Variants in ARHGEF18 observed in about 807,000 individuals in gnomAD.
ARHGEF18 encodes the protein Rho/Rac guanine nucleotide exchange factor 18.
Under a neutral mutation model 155.7 loss-of-function variants are expected in ARHGEF18, and 93 were observed. That is an observed-to-expected ratio of 0.60 (90% confidence interval 0.50 to 0.71). The LOEUF (loss-of-function observed/expected upper bound fraction) is 0.71, where lower values mean the gene tolerates loss of function less well. Among genes scored for constraint, ARHGEF18 ranks in the 30% least tolerant of loss-of-function variants. The pLI, the probability that ARHGEF18 is intolerant of heterozygous loss-of-function variation, is 0.00. For synonymous variants in ARHGEF18, 742 were observed against 753.1 expected (o/e 0.99, Z 0.24); for missense variants, 1,593 against 1,816.1 (o/e 0.88, Z 2.23).
At position 7,462,279 on chromosome 19, in the gene ARHGEF18, G is replaced by A; in HGVS notation, c.2580G>A (p.Gly860=). The change falls in exon 21 of 29, where the codon GGG becomes GGA. Residue 860 remains glycine (G), a synonymous_variant. Coordinates refer to ENST00000668164, the MANE Select transcript of ARHGEF18 (RefSeq NM_001367823.1). This position sits in a 1 kb window ranked among gnomAD's most constrained non-coding sequence, Gnocchi z 4.4. ...LPQPRGLFRG[G]DPSETLQGEL... The stretch of plus-strand genomic sequence containing the variant: ...AGCCCCGAGGCCTATTCCGTGGAGG[G>A]GACCCATCCGAGACCCTGCAGGGGG... The A allele has an allele frequency of 1.2e-6, 2 of 1,613,108 alleles. No homozygotes were observed. The highest frequency in any genetic ancestry group is 2.2e-5 in the South Asian group (2 of 91,038).
In ARHGEF18 at chr19:7,373,849, A is replaced by AT. The variant is rs57703407; in HGVS notation, c.275+797dup. On this transcript the variant is annotated intron_variant, in intron 3 of 28. Transcript: ENST00000668164. ...CAATACAGTTCCCGCTCCTATGAGAATTTTTTTTTTTTTTTTTTTGAGACA... is the reference window on the plus strand; with the variant it reads ...CAATACAGTTCCCGCTCCTATGAGAATTTTTTTTTTTTTTTTTTTTGAGACA... Among the ~76,000 whole-genome samples, 813 of 122,026 alleles carry AT rather than the reference A, an allele frequency of 6.7e-3. 7 individuals carry two copies. Among genetic ancestry groups the AT allele is most frequent in the African/African-American group, 8.7e-3 (261 of 29,980 alleles). The allele number at this position is 122,026 out of a possible 152,430, so 80.1% of individuals were successfully genotyped here.
intron 10 of ARHGEF18, among the ~76,000 whole-genome samples, chr19:7,392,976 G>A (rs1393625130): frequency 1.5e-5 from 2 of 136,306 alleles, no homozygotes; most frequent in Non-Finnish European, 3.1e-5. Flanking sequence ...GAGCCCAGGA[G>A]ATGGAAGCTG....
chr19:7,379,299 C>A (rs910893494), intron 7 of ARHGEF18, 133 bp downstream of exon 7: 5 of 781,630 alleles, frequency 6.4e-6, no homozygotes, highest in Non-Finnish European at 8.4e-6. Flanking sequence ...TGGCTCACGC[C>A]TGTAATCCCA....
At chr19:7,365,054 G>GTT (rs1969824600) in intron 2 of ARHGEF18, among the ~76,000 whole-genome samples, 1 of 152,152 alleles carries the variant, frequency 6.6e-6, no homozygotes. Context: ...ATCTGTTACG[G>GTT]TTAAGCCATA....
intron 11 of ARHGEF18, 41 bp from the exon 12 acceptor site, chr19:7,441,612 T>C: frequency 6.5e-7 from 1 of 1,543,180 alleles, no homozygotes; most frequent in Non-Finnish European, 9.0e-7. Flanking sequence ...GTGTGTTTAA[T>C]TCACTTTTCT....
chr19:7,478,627 A>G, the ARHGEF18 span, among the ~76,000 whole-genome samples: 1 of 152,092 alleles, frequency 6.6e-6, no homozygotes, highest in African/African-American at 2.4e-5. Context: ...GGCCTGGCCC[A>G]GCCTCTGCAA....
rs563346204 is a variant in ARHGEF18, at chr19:7,382,859, T to C, written c.790T>C (p.Cys264Arg). Residue 264 changes from cysteine (C) to arginine (R), a missense_variant, in exon 9 of 29, where the codon TGC becomes CGC. Physicochemically the swap from Cys to Arg is radical, Grantham distance 180 (BLOSUM62 -3). Coordinates refer to ENST00000668164, the MANE Select transcript of ARHGEF18 (RefSeq NM_001367823.1). Reference protein sequence around the residue: ...KSTSVKRRLSCLRSRVTRQKE... With the variant: ...KSTSVKRRLSRLRSRVTRQKE... ...TACCAGTGTGAAGCGCAGGCTGAGCTGCCTCCGCAGTCGAGTGACCAGGCA... is the reference window on the plus strand; with the variant it reads ...TACCAGTGTGAAGCGCAGGCTGAGCCGCCTCCGCAGTCGAGTGACCAGGCA... 1 of 1,232,582 alleles carries C rather than the reference T, an allele frequency of 8.1e-7. No homozygotes were observed. Among genetic ancestry groups the C allele is most frequent in the Non-Finnish European group, 1.0e-6 (1 of 988,098 alleles). The allele number at this position is 1,232,582 out of a possible 1,614,324, so 76.4% of individuals were successfully genotyped here. A position where few individuals can be genotyped will look rare whatever the true frequency, so the allele number is the denominator to read the frequency against.
chr19:7,452,717 C>T (rs1451419838), intron 16 of ARHGEF18, among the ~76,000 whole-genome samples: 1 of 151,606 alleles, frequency 6.6e-6, no homozygotes, highest in Admixed American at 6.6e-5. Flanking sequence ...CTGCCCGCCT[C>T]AGCCTCCCAG....
intron 10 of ARHGEF18, among the ~76,000 whole-genome samples, chr19:7,431,532 A>AAAAAAAAAAAAAAAAAC: frequency 7.0e-6 from 1 of 142,988 alleles, no homozygotes; most frequent in Non-Finnish European, 1.5e-5. Context: ...AAAAAAAAAA[A>AAAAAAAAAAAAAAAAAC]AGGCCGGGCT....
intron 3 of ARHGEF18, among the ~76,000 whole-genome samples, chr19:7,373,966 G>A (rs1465295447): frequency 6.7e-6 from 1 of 149,432 alleles, no homozygotes; most frequent in Admixed American, 6.7e-5. Flanking sequence ...TTACCATGTT[G>A]GCCAGACTAG....
chr19:7,451,467 G>T (rs1181355644), intron 16 of ARHGEF18, among the ~76,000 whole-genome samples: 3 of 148,926 alleles, frequency 2.0e-5, no homozygotes, highest in African/African-American at 7.4e-5. Flanking sequence ...GGAGTGTAGT[G>T]GTGAAATCAT....
At chr19:7,420,814 G>A (rs576493110) in intron 10 of ARHGEF18, among the ~76,000 whole-genome samples, 6 of 152,324 alleles carry the variant, frequency 3.9e-5, no homozygotes, top group African/African-American at 1.2e-4. Context: ...AGTCACACCC[G>A]TCGTGGAGAG....
At chr19:7,382,414 C>A (rs945447832) in intron 8 of ARHGEF18, among the ~76,000 whole-genome samples, 24 of 110,396 alleles carry the variant, frequency 2.2e-4, no homozygotes, top group African/African-American at 2.5e-4. Context: ...AACAAAATAA[C>A]TAAATAAATA....
intron 15 of ARHGEF18, among the ~76,000 whole-genome samples, chr19:7,448,430 G>A (rs1975138413): frequency 6.6e-6 from 1 of 152,216 alleles, no homozygotes; most frequent in Admixed American, 6.5e-5. Flanking sequence ...GGGAGGCCAA[G>A]GCGGGTGGAT....
chr19:7,392,191 A>C lies in ARHGEF18; in HGVS notation c.967+8988A>C, dbSNP rs189930396. On this transcript the variant is annotated intron_variant, in intron 10 of 28. Coordinates refer to ENST00000668164, the MANE Select transcript of ARHGEF18 (RefSeq NM_001367823.1). ...GGGAGGTGGAGTTTGCAGTGAGCCAAGATGGCACCACTGCACTCCAGCTTG... is the reference window on the plus strand; with the variant it reads ...GGGAGGTGGAGTTTGCAGTGAGCCACGATGGCACCACTGCACTCCAGCTTG... Among the ~76,000 whole-genome samples the C allele has an allele frequency of 2.2e-3, 332 of 148,914 alleles. 3 individuals carry two copies. The highest frequency in any genetic ancestry group is 7.9e-3 in the African/African-American group (313 of 39,756).
intron 10 of ARHGEF18, among the ~76,000 whole-genome samples, chr19:7,383,822 A>T (rs1012803975): frequency 9.1e-6 from 1 of 109,838 alleles, no homozygotes; most frequent in Non-Finnish European, 1.7e-5. Context: ...ATTGCAACAC[A>T]TGAATTTGAT....
At chr19:7,355,584 C>G in intron 1 of ARHGEF18, 10 of 983,928 alleles carry the variant, frequency 1.0e-5, no homozygotes, top group Non-Finnish European at 1.2e-5. Flanking sequence ...CAGGGATTCC[C>G]AGGCCAGCTC....
chr19:7,396,944 T>A (rs1455380723), intron 10 of ARHGEF18, among the ~76,000 whole-genome samples: 1 of 152,008 alleles, frequency 6.6e-6, no homozygotes, highest in Non-Finnish European at 1.5e-5. Flanking sequence ...ACCCTTTGCA[T>A]ATGCGAATGC....
chr19:7,473,093 C>T (rs1156874344), downstream of ARHGEF18: 3 of 456,166 alleles, frequency 6.6e-6, no homozygotes, highest in Non-Finnish European at 1.3e-5. Context: ...TCCACAATAA[C>T]CGCAAAGGCT....
Sources: allele counts gnomAD v4.1 joint callset (sites outside exome capture counted in the v4.1 genomes callset), GRCh38; gene constraint gnomAD v4.1.1; non-coding constraint Gnocchi (gnomAD v3.1); transcripts MANE v1.5; gene names NCBI Gene and HGNC (gene_info 2026-07-23, HGNC 2026-07-21).